Variants in GRIA1 observed in about 807,000 individuals in gnomAD.
The protein encoded by GRIA1 is glutamate receptor 1.
Under a neutral mutation model 99.2 loss-of-function variants are expected in GRIA1, and 31 were observed. The observed-to-expected ratio is 0.31, with a 90% CI of 0.23 to 0.42. The LOEUF (loss-of-function observed/expected upper bound fraction) is 0.42, where lower values mean the gene tolerates loss of function less well. Among genes scored for constraint, GRIA1 ranks in the 10% least tolerant of loss-of-function variants. GRIA1 has a pLI of 1.00. For missense variants in GRIA1, 782 were observed against 1,157.5 expected (o/e 0.68, Z 4.71); for synonymous variants, 438 against 432.4 (o/e 1.01, Z -0.16).
chr5:153,491,806 C>T (rs1753942962), intron 1 of GRIA1, among the ~76,000 whole-genome samples: 1 of 152,192 alleles, frequency 6.6e-6, no homozygotes, highest in Non-Finnish European at 1.5e-5. Context: ...CAACATGCTG[C>T]ATGCTTTTTT....
At chr5:153,603,535 A>T (rs1161688443) in intron 2 of GRIA1, among the ~76,000 whole-genome samples, 1 of 152,126 alleles carries the variant, frequency 6.6e-6, no homozygotes, top group Non-Finnish European at 1.5e-5. Context: ...AATAATTAAA[A>T]AAAAACAGTT....
intron 2 of GRIA1, among the ~76,000 whole-genome samples, chr5:153,512,577 C>T (rs1030703118): frequency 9.8e-5 from 15 of 152,296 alleles, no homozygotes; most frequent in Non-Finnish European, 5.9e-5. Context: ...CTAGCAGTGG[C>T]GAGGGTTCCC....
intron 2 of GRIA1, among the ~76,000 whole-genome samples, chr5:153,563,934 G>A (rs1385038563): frequency 6.6e-6 from 1 of 152,210 alleles, no homozygotes; most frequent in African/African-American, 2.4e-5. Context: ...CATTTGTAAA[G>A]TGCCATGTTC....
At chr5:153,500,439 T>C (rs988264189) in intron 2 of GRIA1, among the ~76,000 whole-genome samples, 7 of 152,134 alleles carry the variant, frequency 4.6e-5, no homozygotes, top group African/African-American at 7.2e-5. Flanking sequence ...ATGCAAGAGA[T>C]GAAATCCATT....
At chr5:153,795,278 A>G (rs1049320214) in intron 14 of GRIA1, among the ~76,000 whole-genome samples, 2 of 152,082 alleles carry the variant, frequency 1.3e-5, no homozygotes, top group African/African-American at 4.8e-5. Flanking sequence ...TCATCTTGCT[A>G]TACTAGAGAA....
intron 2 of GRIA1, among the ~76,000 whole-genome samples, chr5:153,556,725 C>T (rs1171407272): frequency 1.4e-4 from 21 of 152,156 alleles, no homozygotes; most frequent in Non-Finnish European, 1.5e-5. Flanking sequence ...GGATCTCTCA[C>T]CTGAAGTCTG....
At chr5:153,568,927 C>T (rs1478509843) in intron 2 of GRIA1, among the ~76,000 whole-genome samples, 1 of 152,216 alleles carries the variant, frequency 6.6e-6, no homozygotes, top group Non-Finnish European at 1.5e-5. Flanking sequence ...TCTTTGTTCA[C>T]ACCCTGGAAT....
chr5:153,654,283 T>C (rs1465067812), intron 4 of GRIA1, among the ~76,000 whole-genome samples: 1 of 152,186 alleles, frequency 6.6e-6, no homozygotes, highest in Non-Finnish European at 1.5e-5. Flanking sequence ...TTGGATCATA[T>C]GAAATTGCCA....
rs766968846 is a variant in GRIA1 at position 153,813,653 on chromosome 5, G to T, written c.*2428G>T. On this transcript the variant is annotated 3_prime_UTR_variant, in exon 16 of 16. Coordinates refer to ENST00000285900, the MANE Select transcript of GRIA1 (RefSeq NM_000827.4). ...ACAGGAATCCATACTTAACAGTTCT[G>T]GCTTTCATTAAATTTTGCTCTTTGG... 3.9e-5 allele frequency: 6 copies of T among 152,254 alleles called. No individual in the cohort carries two copies. Among genetic ancestry groups the T allele is most frequent in the Non-Finnish European group, 2.9e-5 (2 of 68,004 alleles). The allele number at this position is 152,254 out of a possible 1,614,324, so 9.4% of individuals were successfully genotyped here.
intron 2 of GRIA1, among the ~76,000 whole-genome samples, chr5:153,507,934 T>A (rs771866438): frequency 2.6e-5 from 4 of 152,190 alleles, no homozygotes; most frequent in Non-Finnish European, 5.9e-5. Flanking sequence ...ACTGCTTTGG[T>A]CATACTACTG....
intron 11 of GRIA1, among the ~76,000 whole-genome samples, chr5:153,724,664 G>T (rs1449081960): frequency 1.3e-5 from 2 of 152,172 alleles, no homozygotes; most frequent in Non-Finnish European, 2.9e-5. Context: ...AAGATGAAAT[G>T]AATGAAATGA....
At chr5:153,679,017 T>C (rs1756788293) in intron 7 of GRIA1, among the ~76,000 whole-genome samples, 1 of 152,240 alleles carries the variant, frequency 6.6e-6, no homozygotes, top group African/African-American at 2.4e-5. Flanking sequence ...CTGGTTGTAG[T>C]GTATACTTAG....
chr5:153,650,239 G>C, intron 3 of GRIA1, 91 bp from the exon 4 acceptor site: 1 of 1,094,942 alleles, frequency 9.1e-7, no homozygotes, highest in Non-Finnish European at 1.3e-6. Flanking sequence ...GGGTTTGGGG[G>C]TAGCCAGGGG....
intron 11 of GRIA1, among the ~76,000 whole-genome samples, chr5:153,719,311 C>CA (rs1472140044): frequency 3.3e-5 from 5 of 151,872 alleles, no homozygotes; most frequent in African/African-American, 9.7e-5. Context: ...AAACTCATGA[C>CA]AAAAAATAAC....
intron 8 of GRIA1, among the ~76,000 whole-genome samples, chr5:153,691,169 G>A (rs1304753894): frequency 6.6e-6 from 1 of 152,122 alleles, no homozygotes; most frequent in Non-Finnish European, 1.5e-5. Context: ...ATACCAGGAT[G>A]GGTACTTGCT....
At chr5:153,649,444 G>T (rs2963951) in intron 3 of GRIA1, among the ~76,000 whole-genome samples, 12,173 of 85,140 alleles carry the variant, frequency 0.14, 907 homozygotes, top group African/African-American at 0.32. Context: ...TATTTATTTA[G>T]TTAGTTAGTT....
At chr5:153,503,111 G>A (rs1755164487) in intron 2 of GRIA1, among the ~76,000 whole-genome samples, 1 of 152,002 alleles carries the variant, frequency 6.6e-6, no homozygotes, top group African/African-American at 2.4e-5. Context: ...CCTTTTATGG[G>A]ATATCTAGTT....
intron 11 of GRIA1, among the ~76,000 whole-genome samples, chr5:153,742,977 T>G (rs1404458527): frequency 6.6e-6 from 1 of 152,206 alleles, no homozygotes; most frequent in Non-Finnish European, 1.5e-5. Context: ...TTTCTGCCTA[T>G]CACACCTTAC....
intron 2 of GRIA1, among the ~76,000 whole-genome samples, chr5:153,500,039 G>A (rs1299660199): frequency 7.2e-5 from 11 of 152,268 alleles, no homozygotes; most frequent in Admixed American, 5.2e-4. Flanking sequence ...ATCTTCACCC[G>A]TGCCCTTACA....
Sources: gnomAD v4.1 joint callset for allele counts (sites outside exome capture counted in the v4.1 genomes callset) on GRCh38, gnomAD v4.1.1 for gene constraint, MANE v1.5 for transcripts, NCBI Gene and HGNC (gene_info 2026-07-23, HGNC 2026-07-21) for gene names.